The following ITPRIPL2 variants were observed in gnomAD, a reference collection of about 807,000 sequenced individuals.
ITPRIPL2 encodes ITPRIP like 2.
Under a neutral mutation model 31.7 loss-of-function variants are expected in ITPRIPL2, and 29 were observed. The ratio of observed to expected loss-of-function variants is 0.91; its 90% CI spans 0.68 to 1.25. ITPRIPL2 has a LOEUF of 1.25. Ranked by LOEUF, ITPRIPL2 falls within the 50% of genes most tolerant of loss-of-function variation. The pLI, the probability that ITPRIPL2 is intolerant of heterozygous loss-of-function variation, is 0.00. For synonymous variants in ITPRIPL2, 344 were observed against 343.4 expected, an observed-to-expected ratio of 1.00 and a Z score of -0.02; for missense variants, 696 against 739.1, an observed-to-expected ratio of 0.94 and a Z score of 0.68.
chr16:19,115,003 G>C lies in ITPRIPL2; in HGVS notation c.542G>C (p.Arg181Pro), dbSNP rs749867202. Residue 181 changes from arginine (R) to proline (P), a missense_variant, in exon 1 of 1, where the codon CGC (arginine) becomes CCC (proline). By Grantham distance (103) the Arg-to-Pro change is moderately radical. Coordinates refer to ENST00000381440, the MANE Select transcript of ITPRIPL2 (RefSeq NM_001034841.4). ...AGCTTCGACGTGCTGGTGCCACTGC[G>C]CCTCCCGCCGCTTGTGGCGCTGGAG... Reference protein sequence around the residue: ...PDSFDVLVPLRLPPLVALEPR... With the variant: ...PDSFDVLVPLPLPPLVALEPR... 2 of 1,598,680 alleles carry C rather than the reference G, an allele frequency of 1.3e-6. No individual in the cohort carries two copies. The highest frequency in any genetic ancestry group is 4.5e-5 in the East Asian group (2 of 44,840).
rs1167581456 is a variant in ITPRIPL2, at chr16:19,120,549, G to T, written c.*4480G>T. ...CCTCCCAGGTTCAAGTGATTCTTGG[G>T]CCTTAGCCTCCCGAGTAGCTGGGAT... On this transcript the variant is annotated 3_prime_UTR_variant, in exon 1 of 1. Coordinates refer to ENST00000381440, the MANE Select transcript of ITPRIPL2 (RefSeq NM_001034841.4). The T allele has an allele frequency of 2.1e-5, 3 of 145,086 alleles. No individual in the cohort carries two copies. Among genetic ancestry groups the T allele is most frequent in the African/African-American group, 7.6e-5 (3 of 39,382 alleles). 9.0% of individuals were successfully genotyped at this position (145,086 alleles called of 1,614,324 possible).
Position 19,118,464 on chromosome 16 carries a change from C to A in ITPRIPL2, c.*2395C>A, listed in dbSNP as rs369200039. On this transcript the variant is annotated 3_prime_UTR_variant, in exon 1 of 1. Coordinates refer to ENST00000381440, the MANE Select transcript of ITPRIPL2 (RefSeq NM_001034841.4). ...TGGGTGACCGAGCGAGACTCCGTCT[C>A]AAAAAAAAAAAAAAAAAGCTTTAAA... 0.018 allele frequency: 2,160 copies of A among 121,822 alleles called. No homozygotes were observed. The highest frequency in any genetic ancestry group is 0.019 in the East Asian group (79 of 4,102). The allele number at this position is 121,822 out of a possible 1,614,324, so 7.5% of individuals were successfully genotyped here.
chr16:19,116,206 T>G lies in ITPRIPL2; in HGVS notation c.*137T>G, dbSNP rs1488993879. 1.3e-6 allele frequency: 1 copy of G among 779,432 alleles called. No homozygotes were observed. Among genetic ancestry groups the G allele is most frequent in the African/African-American group, 1.7e-5 (1 of 57,182 alleles). 48.3% of individuals were successfully genotyped at this position (779,432 alleles called of 1,614,324 possible). ...ATTTGGTGGCTGCCACAAGCTTTAG[T>G]GGCTTAAATATCACCTTCTCGCTTC... On this transcript the variant is annotated 3_prime_UTR_variant, in exon 1 of 1. Transcript: ENST00000381440.
chr16:19,118,733 T>A lies in ITPRIPL2; in HGVS notation c.*2664T>A, dbSNP rs983682498. 1 of 375,644 alleles carries A rather than the reference T, an allele frequency of 2.7e-6. No homozygotes were observed. Among genetic ancestry groups the A allele is most frequent in the Non-Finnish European group, 4.9e-6 (1 of 203,468 alleles). 23.3% of individuals were successfully genotyped at this position (375,644 alleles called of 1,614,324 possible). On this transcript the variant is annotated 3_prime_UTR_variant, in exon 1 of 1. Transcript: ENST00000381440. Reference sequence around the variant, plus strand: ...TTATTTAAATGCCATGCTGAGCAATTGTTCTCTGTACATGGTAACCAAAAC... The same window carrying A: ...TTATTTAAATGCCATGCTGAGCAATAGTTCTCTGTACATGGTAACCAAAAC...
rs758958414 is a variant in ITPRIPL2, at chr16:19,115,231, C to G, written c.770C>G (p.Ser257Trp). The G allele has an allele frequency of 6.2e-7, 1 of 1,610,554 alleles. No homozygotes were observed. The highest frequency in any genetic ancestry group is 1.7e-5 in the Admixed American group (1 of 60,036). Residue 257 changes from serine to tryptophan, a missense_variant, in exon 1 of 1, where the codon TCG becomes TGG. Physicochemically the swap from Ser to Trp is radical, Grantham distance 177. Transcript: ENST00000381440. ...ACTCTGGTGCTGCGCTGGTTCCAGTCGCATCTGCAGCGCTCCTTGGCCACT... is the reference window on the plus strand; with the variant it reads ...ACTCTGGTGCTGCGCTGGTTCCAGTGGCATCTGCAGCGCTCCTTGGCCACT... ...SATLVLRWFQ[S>W]HLQRSLATVR...
Position 19,119,394 on chromosome 16 carries a change from G to C in ITPRIPL2, c.*3325G>C, listed in dbSNP as rs916930116. The C allele has an allele frequency of 1.3e-5, 3 of 238,722 alleles. No homozygotes were observed. Among genetic ancestry groups the C allele is most frequent in the Admixed American group, 5.7e-5 (1 of 17,394 alleles). The allele number at this position is 238,722 out of a possible 1,614,324, so 14.8% of individuals were successfully genotyped here. A position where few individuals can be genotyped will look rare whatever the true frequency, so the allele number is the denominator to read the frequency against. On this transcript the variant is annotated 3_prime_UTR_variant, in exon 1 of 1. Transcript: ENST00000381440. ...CCTGTAGAAACAGGGGTGGGAGGTG[G>C]GGGGGAAGCTGTGCCCACCTTTAAA... is the stretch of plus-strand genomic sequence containing the variant.
rs989163817 is a variant in ITPRIPL2 at position 19,114,101 on chromosome 16, G to A, written c.-361G>A. The A allele has an allele frequency of 2.5e-6, 1 of 396,602 alleles. No individual in the cohort carries two copies. Among genetic ancestry groups the A allele is most frequent in the Non-Finnish European group, 4.4e-6 (1 of 224,842 alleles). 24.6% of individuals were successfully genotyped at this position (396,602 alleles called of 1,614,324 possible). On this transcript the variant is annotated 5_prime_UTR_variant, in exon 1 of 1. Coordinates refer to ENST00000381440, the MANE Select transcript of ITPRIPL2 (RefSeq NM_001034841.4). The stretch of plus-strand genomic sequence containing the variant: ...GGGTCAGGCGCGGAGAGGAGCGGCG[G>A]GAGAGCCAGGAGGGCCGCCCAGGGT...
rs372272696 is a variant in ITPRIPL2 at position 19,114,699 on chromosome 16, C to G, written c.238C>G (p.Arg80Gly). Residue 80 changes from arginine to glycine, a missense_variant, in exon 1 of 1, where the codon CGT becomes GGT. Physicochemically the swap from Arg to Gly is moderately radical, Grantham distance 125 (BLOSUM62 -2). Transcript: ENST00000381440. ...VRQRFLPGSP[R>G]LEGHAAFSSR... is the part of the protein sequence containing the mutation. ...GCAGCGCTTCCTGCCCGGGTCTCCC[C>G]GTCTGGAGGGTCACGCCGCCTTCTC... 5 of 1,612,636 alleles carry G rather than the reference C, an allele frequency of 3.1e-6. No homozygotes were observed. The highest frequency in any genetic ancestry group is 2.2e-5 in the South Asian group (2 of 91,036).
chr16:19,116,358 G>T lies in ITPRIPL2; in HGVS notation c.*289G>T. 1 of 368,804 alleles carries T rather than the reference G, an allele frequency of 2.7e-6. No individual in the cohort carries two copies. Among genetic ancestry groups the T allele is most frequent in the Non-Finnish European group, 5.0e-6 (1 of 198,030 alleles). 22.8% of individuals were successfully genotyped at this position (368,804 alleles called of 1,614,324 possible). A position where few individuals can be genotyped will look rare whatever the true frequency, so the allele number is the denominator to read the frequency against. ...TCTGTGTAGACGGATTCTGTAGAAG[G>T]ATGTGGCTTTTAGAGAAGTCCAGTA... is the stretch of plus-strand genomic sequence containing the variant. On this transcript the variant is annotated 3_prime_UTR_variant, in exon 1 of 1. Coordinates refer to ENST00000381440, the MANE Select transcript of ITPRIPL2 (RefSeq NM_001034841.4).
In ITPRIPL2 at chr16:19,119,428, C is replaced by A. The variant is rs1305454992; in HGVS notation, c.*3359C>A. On this transcript the variant is annotated 3_prime_UTR_variant, in exon 1 of 1. Transcript: ENST00000381440. ...CTGTGCCCACCTTTAAAGAGGGGGC[C>A]ATTGCTCAGCCATGCAGAAAAAAAT... is the stretch of plus-strand genomic sequence containing the variant. The A allele has an allele frequency of 2.5e-5, 5 of 203,864 alleles. No homozygotes were observed. Among genetic ancestry groups the A allele is most frequent in the Non-Finnish European group, 4.2e-5 (4 of 94,194 alleles). 12.6% of individuals were successfully genotyped at this position (203,864 alleles called of 1,614,324 possible).
rs1022371560 is a variant in ITPRIPL2, at chr16:19,116,744, A to T, written c.*675A>T. 1 of 167,078 alleles carries T rather than the reference A, an allele frequency of 6.0e-6. No individual in the cohort carries two copies. The highest frequency in any genetic ancestry group is 1.5e-5 in the Non-Finnish European group (1 of 68,114). 10.3% of individuals were successfully genotyped at this position (167,078 alleles called of 1,614,324 possible). A position where few individuals can be genotyped will look rare whatever the true frequency, so the allele number is the denominator to read the frequency against. On this transcript the variant is annotated 3_prime_UTR_variant, in exon 1 of 1. Transcript: ENST00000381440. ...TAGAGAAGCTTCCAGAGAAAATAGC[A>T]CTTTATATTGATCAATTCACTCATT...
Position 19,118,395 on chromosome 16 carries a change from G to A in ITPRIPL2, c.*2326G>A, listed in dbSNP as rs1237124067. The A allele has an allele frequency of 6.3e-6, 1 of 158,306 alleles. No homozygotes were observed. Among genetic ancestry groups the A allele is most frequent in the South Asian group, 2.1e-4 (1 of 4,728 alleles). 9.8% of individuals were successfully genotyped at this position (158,306 alleles called of 1,614,324 possible). ...CAGGAGAATCACTTGAACCCGGGAG[G>A]TGAAGGTTGCAGAGAGCCAAGATCA... is the stretch of plus-strand genomic sequence containing the variant. On this transcript the variant is annotated 3_prime_UTR_variant, in exon 1 of 1. Transcript: ENST00000381440.
chr16:19,114,593 G>T lies in ITPRIPL2; in HGVS notation c.132G>T (p.Val44=). ...GGARAEPADG[V]DGGFPLLKVA... is the part of the protein sequence containing the mutation. ...CCCGGGCCGAGCCCGCCGACGGCGT[G>T]GATGGCGGCTTCCCGTTGCTTAAGG... The change falls in exon 1 of 1, where the codon GTG becomes GTT. Residue 44 remains valine (V), a synonymous_variant. Transcript: ENST00000381440. 6.3e-7 allele frequency: 1 copy of T among 1,578,420 alleles called. No homozygotes were observed. The highest frequency in any genetic ancestry group is 1.7e-4 in the Middle Eastern group (1 of 5,940).
At position 19,121,275 on chromosome 16, in the gene ITPRIPL2, A is replaced by G. The variant is rs1963517767; in HGVS notation, c.*5206A>G. 1 of 166,974 alleles carries G rather than the reference A, an allele frequency of 6.0e-6. No homozygotes were observed. The highest frequency in any genetic ancestry group is 2.4e-5 in the African/African-American group (1 of 41,402). The allele number at this position is 166,974 out of a possible 1,614,324, so 10.3% of individuals were successfully genotyped here. Reference sequence around the variant, plus strand: ...GTTAAACAACTTTTTGCTTTTGAAAAAAAAAGGTGCCTTGATTCAGTTGCG... The same window carrying G: ...GTTAAACAACTTTTTGCTTTTGAAAGAAAAAGGTGCCTTGATTCAGTTGCG... On this transcript the variant is annotated 3_prime_UTR_variant, in exon 1 of 1. Transcript: ENST00000381440.
At position 19,115,089 on chromosome 16, in the gene ITPRIPL2, G is replaced by T. The variant is rs770072202; in HGVS notation, c.628G>T (p.Ala210Ser). The change falls in exon 1 of 1, where the codon GCC becomes TCC. Residue 210 changes from alanine (A) to serine (S), a missense_variant. Transcript: ENST00000381440. ...APAFRGCFLCALKAPPSPSGA... is the reference protein window; with the variant it reads ...APAFRGCFLCSLKAPPSPSGA... ...GGCCTTCCGCGGCTGCTTCTTGTGC[G>T]CCCTCAAGGCACCACCCTCACCATC... The T allele has an allele frequency of 1.4e-5, 22 of 1,599,864 alleles. No individual in the cohort carries two copies. In the South Asian group the frequency reaches 2.3e-4, roughly 17 times the overall value.
Position 19,114,684 on chromosome 16 carries a change from C to T in ITPRIPL2, c.223C>T (p.Leu75=), listed in dbSNP as rs561252844. 2.5e-6 allele frequency: 4 copies of T among 1,612,228 alleles called. No homozygotes were observed. The East Asian group carries it at 6.7e-5, about 27-fold the overall frequency. Residue 75 remains leucine, a synonymous_variant, in exon 1 of 1, where the codon CTG becomes TTG. Coordinates refer to ENST00000381440, the MANE Select transcript of ITPRIPL2 (RefSeq NM_001034841.4). The stretch of plus-strand genomic sequence containing the variant: ...TCGCCACGCTGTCCGGCAGCGCTTC[C>T]TGCCCGGGTCTCCCCGTCTGGAGGG... The part of the protein sequence containing the change: ...RCRHAVRQRF[L]PGSPRLEGHA...
chr16:19,116,018 C>T lies in ITPRIPL2; in HGVS notation c.1557C>T (p.Cys519=). 2 of 1,608,656 alleles carry T rather than the reference C, an allele frequency of 1.2e-6. No individual in the cohort carries two copies. Among genetic ancestry groups the T allele is most frequent in the Non-Finnish European group, 1.7e-6 (2 of 1,176,688 alleles). Residue 519 remains cysteine, a synonymous_variant, in exon 1 of 1, where the codon TGC becomes TGT. Coordinates refer to ENST00000381440, the MANE Select transcript of ITPRIPL2 (RefSeq NM_001034841.4). The part of the protein sequence containing the change: ...AYGGPRYLAR[C]PPPRSQRTQG... ...GGGGTCCCCGCTACCTTGCCAGGTG[C>T]CCCCCACCCCGGAGTCAGCGCACCC...
rs1328125535 is a variant in ITPRIPL2, at chr16:19,117,579, A to G, written c.*1510A>G. 2 of 167,202 alleles carry G rather than the reference A, an allele frequency of 1.2e-5. No individual in the cohort carries two copies. Among genetic ancestry groups the G allele is most frequent in the Non-Finnish European group, 2.9e-5 (2 of 68,110 alleles). The allele number at this position is 167,202 out of a possible 1,614,324, so 10.4% of individuals were successfully genotyped here. A position where few individuals can be genotyped will look rare whatever the true frequency, so the allele number is the denominator to read the frequency against. On this transcript the variant is annotated 3_prime_UTR_variant, in exon 1 of 1. Coordinates refer to ENST00000381440, the MANE Select transcript of ITPRIPL2 (RefSeq NM_001034841.4). Reference sequence around the variant, plus strand: ...TGCTTGCCTGATTGGAAATGCAGCCAGTCCAAGTGTTACAAATTGGGATTT... The same window carrying G: ...TGCTTGCCTGATTGGAAATGCAGCCGGTCCAAGTGTTACAAATTGGGATTT...
chr16:19,115,124 G>T lies in ITPRIPL2; in HGVS notation c.663G>T (p.Ser221=). 1 of 1,602,038 alleles carries T rather than the reference G, an allele frequency of 6.2e-7. No individual in the cohort carries two copies. The highest frequency in any genetic ancestry group is 2.2e-5 in the East Asian group (1 of 44,866). ...LKAPPSPSGA[S]GGHWLRDCKP... ...CACCACCCTCACCATCGGGGGCCTC[G>T]GGGGGCCACTGGCTTCGGGACTGCA... Residue 221 remains serine (S), a synonymous_variant, in exon 1 of 1, where the codon TCG becomes TCT. Coordinates refer to ENST00000381440, the MANE Select transcript of ITPRIPL2 (RefSeq NM_001034841.4).
Sources: allele counts gnomAD v4.1 joint callset, GRCh38; gene constraint gnomAD v4.1.1; transcripts MANE v1.5; gene names NCBI Gene and HGNC (gene_info 2026-07-23, HGNC 2026-07-21).